RAB8B: variants seen among roughly 807,000 people sequenced by gnomAD.
RAB8B encodes the protein RAB8B, member RAS oncogene family, also known as ras-related protein Rab-8B.
A neutral mutation model predicts 32.0 loss-of-function variants in RAB8B; 11 were observed. The ratio of observed to expected loss-of-function variants is 0.34; its 90% CI spans 0.22 to 0.57. RAB8B has a LOEUF of 0.57. Ranked by LOEUF, RAB8B falls within the 20% of genes least tolerant of loss-of-function variation. RAB8B has a pLI of 0.86. For synonymous variants in RAB8B, 103 were observed against 89.6 expected (o/e 1.15, Z -0.85); for missense variants, 190 against 258.5 (o/e 0.73, Z 1.82).
intron 1 of RAB8B, among the ~76,000 whole-genome samples, chr15:63,201,072 G>A (rs1299870727): frequency 2.6e-5 from 4 of 151,910 alleles, no homozygotes; most frequent in Non-Finnish European, 5.9e-5. Context: ...TGCTTTTGAA[G>A]TTGGGGGTGG....
intron 1 of RAB8B, among the ~76,000 whole-genome samples, chr15:63,230,951 T>C (rs778051230): frequency 4.0e-4 from 61 of 152,326 alleles, no homozygotes; most frequent in Admixed American, 7.2e-4. Flanking sequence ...TTTTCTCTAC[T>C]GCCTCTAGTA....
At chr15:63,230,015 C>G (rs1003285700) in intron 1 of RAB8B, among the ~76,000 whole-genome samples, 1 of 151,682 alleles carries the variant, frequency 6.6e-6, no homozygotes, top group African/African-American at 2.4e-5. Flanking sequence ...GGTAGTTTTT[C>G]ATTATTGATT....
At chr15:63,207,849 C>A (rs1172668924) in intron 1 of RAB8B, among the ~76,000 whole-genome samples, 1 of 152,184 alleles carries the variant, frequency 6.6e-6, no homozygotes, top group Non-Finnish European at 1.5e-5. Flanking sequence ...CAGGCGTGAG[C>A]CACCGCGCCT....
chr15:63,225,053 A>G (rs2037877499), intron 1 of RAB8B, among the ~76,000 whole-genome samples: 1 of 152,224 alleles, frequency 6.6e-6, no homozygotes, highest in African/African-American at 2.4e-5. Flanking sequence ...CTATAGTTCT[A>G]CCTGGCACAT....
intron 1 of RAB8B, chr15:63,223,091 G>A (rs1356288043): frequency 2.2e-6 from 1 of 452,330 alleles, no homozygotes; most frequent in East Asian, 7.0e-5. Flanking sequence ...CCCTATATAG[G>A]TATACCATTT....
At chr15:63,246,895 T>G (rs1185129718) in intron 2 of RAB8B, among the ~76,000 whole-genome samples, 1 of 152,174 alleles carries the variant, frequency 6.6e-6, no homozygotes, top group African/African-American at 2.4e-5. Flanking sequence ...CTTAAACACT[T>G]TGTTGGAGAT....
chr15:63,243,530 G>A (rs1044460170), intron 1 of RAB8B, among the ~76,000 whole-genome samples: 16 of 152,146 alleles, frequency 1.1e-4, no homozygotes, highest in Non-Finnish European at 2.2e-4. Flanking sequence ...GGGGAAATAC[G>A]TGAGGGAAGG....
chr15:63,219,116 C>T (rs1184287558), intron 1 of RAB8B, among the ~76,000 whole-genome samples: 1 of 145,510 alleles, frequency 6.9e-6, no homozygotes, highest in Admixed American at 7.1e-5. Context: ...CTGGCCAACA[C>T]GGTGAAACCC....
At chr15:63,213,450 G>C (rs2053633) in intron 1 of RAB8B, among the ~76,000 whole-genome samples, 1 of 151,938 alleles carries the variant, frequency 6.6e-6, no homozygotes, top group Non-Finnish European at 1.5e-5. Context: ...TCTTGTTCAA[G>C]TCTATTTAGT....
intron 1 of RAB8B, among the ~76,000 whole-genome samples, chr15:63,222,609 C>G (rs1279644896): frequency 6.6e-6 from 1 of 152,226 alleles, no homozygotes; most frequent in African/African-American, 2.4e-5. Flanking sequence ...ACAATCTTGG[C>G]TCACTGCAAC....
At chr15:63,231,036 A>G (rs1412844515) in intron 1 of RAB8B, among the ~76,000 whole-genome samples, 3 of 152,172 alleles carry the variant, frequency 2.0e-5, no homozygotes, top group East Asian at 1.9e-4. Flanking sequence ...AAAATTACCA[A>G]ATTTTACAGT....
chr15:63,247,783 T>C (rs970726780), intron 2 of RAB8B, among the ~76,000 whole-genome samples: 6 of 152,178 alleles, frequency 3.9e-5, no homozygotes, highest in Non-Finnish European at 8.8e-5. Flanking sequence ...TCTTCTTTTA[T>C]AGAGAAGGAA....
intron 1 of RAB8B, among the ~76,000 whole-genome samples, chr15:63,227,970 C>T (rs933210201): frequency 2.0e-5 from 3 of 148,306 alleles, no homozygotes; most frequent in African/African-American, 7.5e-5. Context: ...CCTTTTCTTC[C>T]TTTCCTTTCT....
At chr15:63,249,850 T>C in intron 3 of RAB8B, 145 bp downstream of exon 3, 1 of 907,942 alleles carries the variant, frequency 1.1e-6, no homozygotes, top group Non-Finnish European at 1.6e-6. Flanking sequence ...AAAAGGTTTT[T>C]TGGGGGCCGG....
At chr15:63,219,701 T>C (rs1456347721) in intron 1 of RAB8B, among the ~76,000 whole-genome samples, 1 of 152,238 alleles carries the variant, frequency 6.6e-6, no homozygotes, top group Non-Finnish European at 1.5e-5. Flanking sequence ...TGAAGACTTG[T>C]CTCATTTTTT....
intron 5 of RAB8B, 130 bp downstream of exon 5, chr15:63,256,724 A>T: frequency 1.5e-6 from 1 of 666,164 alleles, no homozygotes. Flanking sequence ...ATCAACAACA[A>T]AGAGATGTAA....
chr15:63,258,740 A>G (rs549005241), intron 5 of RAB8B, among the ~76,000 whole-genome samples: 1 of 152,322 alleles, frequency 6.6e-6, no homozygotes, highest in South Asian at 2.1e-4. Flanking sequence ...TAAATGAAGT[A>G]GTGGCCCATG....
Position 63,264,225 on chromosome 15 carries a change from C to T in RAB8B, c.*606C>T, listed in dbSNP as rs1376636185. 4 of 152,200 alleles carry T rather than the reference C, an allele frequency of 2.6e-5. No individual in the cohort carries two copies. Among genetic ancestry groups the T allele is most frequent in the Admixed American group, 2.6e-4 (4 of 15,278 alleles). The allele number at this position is 152,200 out of a possible 1,614,324, so 9.4% of individuals were successfully genotyped here. On this transcript the variant is annotated 3_prime_UTR_variant, in exon 8 of 8. Transcript: ENST00000321437. The stretch of plus-strand genomic sequence containing the variant: ...TTTCTTCAGATTAAGAGCTTTGCCT[C>T]ATCCCCGACCTGTTTTCCAGAGTCT...
rs2152579422 is a variant in RAB8B, at chr15:63,248,827, C to T, written c.186-818C>T. 6.6e-6 allele frequency among the ~76,000 whole-genome samples: 1 copy of T among 152,202 alleles called. No individual in the cohort carries two copies. The highest frequency in any genetic ancestry group is 2.1e-4 in the South Asian group (1 of 4,828). On this transcript the variant is annotated intron_variant, in intron 2 of 7. Transcript: ENST00000321437. The surrounding 1 kb of genome is among the most constrained non-coding windows in gnomAD (Gnocchi z 4.4). The stretch of plus-strand genomic sequence containing the variant: ...TATTTCCACAAATGCCTCTTTCTCT[C>T]CTGCAATTAAATTGTCTTAGTAGCA...
Sources: gnomAD v4.1 joint callset for allele counts (sites outside exome capture counted in the v4.1 genomes callset) on GRCh38, gnomAD v4.1.1 for gene constraint, Gnocchi (gnomAD v3.1) non-coding constraint, MANE v1.5 for transcripts, NCBI Gene and HGNC (gene_info 2026-07-23, HGNC 2026-07-21) for gene names.